The following CNOT4 variants were observed in gnomAD, a reference collection of about 807,000 sequenced individuals.
CNOT4 encodes the protein CCR4-associated factor 4.
In CNOT4, 8 loss-of-function variants were observed where a neutral mutation model predicts 73.8. That is an observed-to-expected ratio of 0.11 (90% CI 0.06 to 0.20). CNOT4 has a LOEUF of 0.20. CNOT4 is among the 10% of genes least tolerant of loss of function. The pLI, the probability that CNOT4 is intolerant of heterozygous loss-of-function variation, is 1.00. For missense variants in CNOT4, 564 were observed against 883.4 expected (o/e 0.64, Z 4.58); for synonymous variants, 293 against 321.1 (o/e 0.91, Z 0.94).
intron 2 of CNOT4, among the ~76,000 whole-genome samples, chr7:135,425,324 A>G (rs1225552577): frequency 6.6e-6 from 1 of 152,200 alleles, no homozygotes; most frequent in Non-Finnish European, 1.5e-5. Context: ...CTGATTACAC[A>G]TGAGGCAAAG....
chr7:135,382,163 C>T (rs1274305948), intron 10 of CNOT4, among the ~76,000 whole-genome samples: 1 of 152,158 alleles, frequency 6.6e-6, no homozygotes, highest in Non-Finnish European at 1.5e-5. Flanking sequence ...GCTCTCAGTT[C>T]TAGGTACCTA....
chr7:135,475,804 A>C (rs1284264129), intron 1 of CNOT4, among the ~76,000 whole-genome samples: 1 of 152,082 alleles, frequency 6.6e-6, no homozygotes, highest in Non-Finnish European at 1.5e-5. Context: ...CCAGCTTCTC[A>C]GGAGTCTGAA....
intron 7 of CNOT4, among the ~76,000 whole-genome samples, chr7:135,399,381 A>G (rs1477027436): frequency 8.5e-5 from 13 of 152,112 alleles, no homozygotes. Context: ...AATGTAACAT[A>G]AGGGTAAGCA....
chr7:135,435,208 G>A (rs1799078839), intron 2 of CNOT4, among the ~76,000 whole-genome samples: 1 of 151,972 alleles, frequency 6.6e-6, no homozygotes, highest in Admixed American at 6.6e-5. Flanking sequence ...ATCTTTTTCA[G>A]TCACCTTGCT....
At chr7:135,455,409 AC>A (rs1166208773) in intron 1 of CNOT4, among the ~76,000 whole-genome samples, 1 of 152,204 alleles carries the variant, frequency 6.6e-6, no homozygotes, top group East Asian at 1.9e-4. Flanking sequence ...TGCTAGTTTT[AC>A]TAATCTTGAA....
intron 10 of CNOT4, among the ~76,000 whole-genome samples, chr7:135,367,227 C>T (rs4728354): frequency 0.51 from 78,014 of 151,928 alleles, 20,552 homozygotes; most frequent in East Asian, 0.76. Flanking sequence ...CCTTTGCTTC[C>T]AGGGCTCTTA....
intron 1 of CNOT4, among the ~76,000 whole-genome samples, chr7:135,491,813 G>C (rs1466758556): frequency 4.6e-5 from 7 of 152,320 alleles, no homozygotes; most frequent in South Asian, 4.1e-4. Context: ...AGAATGGCTA[G>C]GGCAATGTCC....
chr7:135,431,158 G>C (rs1441831230), intron 2 of CNOT4, among the ~76,000 whole-genome samples: 1 of 152,166 alleles, frequency 6.6e-6, no homozygotes, highest in African/African-American at 2.4e-5. Context: ...CCACCTATTG[G>C]GAAGGCTGAG....
At chr7:135,451,293 T>G (rs980900238) in intron 1 of CNOT4, among the ~76,000 whole-genome samples, 2 of 152,128 alleles carry the variant, frequency 1.3e-5, no homozygotes, top group Admixed American at 1.3e-4. Context: ...CAGTTGTGTT[T>G]TGTTTTGTCT....
rs561078666 is a variant in CNOT4 at position 135,447,032 on chromosome 7, C to T, written c.-92-8609G>A. On this transcript the variant is annotated intron_variant, in intron 1 of 11. Transcript: ENST00000541284. ...ATGACCCGGTGCATCACATTTATGACGGTATACCATGCAGCTACAACATGG... is the reference window on the plus strand; with the variant it reads ...ATGACCCGGTGCATCACATTTATGATGGTATACCATGCAGCTACAACATGG... Among the ~76,000 whole-genome samples, 27 of 143,834 alleles carry T rather than the reference C, an allele frequency of 1.9e-4. 4 individuals are homozygous for T. The highest frequency in any genetic ancestry group is 6.9e-4 in the Admixed American group (10 of 14,520). 94.4% of individuals were successfully genotyped at this position (143,834 alleles called of 152,430 possible).
At chr7:135,421,997 T>C (rs772375576) in intron 3 of CNOT4, among the ~76,000 whole-genome samples, 159 bp downstream of exon 3, 2 of 152,198 alleles carry the variant, frequency 1.3e-5, no homozygotes, top group Non-Finnish European at 2.9e-5. Context: ...CGACTGGTCA[T>C]TGGTTTCTTA....
intron 3 of CNOT4, among the ~76,000 whole-genome samples, chr7:135,416,675 G>T (rs1265161080): frequency 6.6e-6 from 1 of 152,150 alleles, no homozygotes; most frequent in African/African-American, 2.4e-5. Context: ...TGCTCCAAAG[G>T]GTTCAGTCAG....
intron 1 of CNOT4, among the ~76,000 whole-genome samples, chr7:135,465,330 C>T (rs1801149942): frequency 6.6e-6 from 1 of 152,134 alleles, no homozygotes; most frequent in East Asian, 1.9e-4. Flanking sequence ...CTGACTGCTA[C>T]TCCCACAACA....
intron 2 of CNOT4, among the ~76,000 whole-genome samples, chr7:135,435,279 T>C (rs1799085294): frequency 6.6e-6 from 1 of 152,202 alleles, no homozygotes. Context: ...CTTTGATTAT[T>C]TCTTCCTATT....
chr7:135,398,021 G>A (rs1481129452), intron 8 of CNOT4, 148 bp downstream of exon 8: 16 of 650,394 alleles, frequency 2.5e-5, no homozygotes, highest in Non-Finnish European at 2.7e-6. Context: ...GGGGGGAAAA[G>A]GCTAATTATA....
At chr7:135,424,054 C>G (rs1020323232) in intron 2 of CNOT4, among the ~76,000 whole-genome samples, 28 of 67,106 alleles carry the variant, frequency 4.2e-4, no homozygotes, top group African/African-American at 1.2e-3. Flanking sequence ...CACACACACA[C>G]ACACACACAC....
chr7:135,508,323 C>T lies in CNOT4; in HGVS notation c.-93+1566G>A, dbSNP rs9690735. Among the ~76,000 whole-genome samples, 185 of 152,306 alleles carry T rather than the reference C, an allele frequency of 1.2e-3. 3 individuals are homozygous for T. The highest frequency in any genetic ancestry group is 4.0e-3 in the African/African-American group (168 of 41,574). ...CATTAGTCAGTACATCTTAATTTTG[C>T]TTTCACCAAAACATGGACATCATAA... On this transcript the variant is annotated intron_variant, in intron 1 of 11. Transcript: ENST00000541284.
chr7:135,493,297 G>T (rs1803239199), intron 1 of CNOT4, among the ~76,000 whole-genome samples: 1 of 152,160 alleles, frequency 6.6e-6, no homozygotes, highest in Non-Finnish European at 1.5e-5. Flanking sequence ...AAGTAGCTGG[G>T]ACTGCAGGTG....
intron 7 of CNOT4, among the ~76,000 whole-genome samples, chr7:135,399,196 A>G (rs1375049218): frequency 3.3e-5 from 5 of 152,054 alleles, no homozygotes; most frequent in African/African-American, 1.2e-4. Flanking sequence ...TTGCTTAATG[A>G]TGGGATACAT....
Sources: gnomAD v4.1 joint callset for allele counts (sites outside exome capture counted in the v4.1 genomes callset) on GRCh38, gnomAD v4.1.1 for gene constraint, MANE v1.5 for transcripts, NCBI Gene and HGNC (gene_info 2026-07-23, HGNC 2026-07-21) for gene names.